Variants in WWOX observed in about 807,000 individuals in gnomAD.
WWOX encodes WW domain containing oxidoreductase.
Under a neutral mutation model 46.2 loss-of-function variants are expected in WWOX, and 69 were observed. The observed-to-expected ratio is 1.49, with a 90% CI of 1.23 to 1.82. The LOEUF is 1.82. Among genes scored for constraint, WWOX ranks in the 40% most tolerant of loss-of-function variants. The pLI is 0.00. For synonymous variants in WWOX, 359 were observed against 202.6 expected, an observed-to-expected ratio of 1.77 and a Z score of -6.56; for missense variants, 919 against 542.6, an observed-to-expected ratio of 1.69 and a Z score of -6.89.
At chr16:78,539,014 G>T (rs552396571) in intron 8 of WWOX, among the ~76,000 whole-genome samples, 23 of 152,328 alleles carry the variant, frequency 1.5e-4, no homozygotes, top group Admixed American at 1.4e-3. Context: ...AGAAGTCTTG[G>T]TAAGGAAGCA....
intron 8 of WWOX, among the ~76,000 whole-genome samples, chr16:78,492,607 C>G (rs2084811017): frequency 6.6e-6 from 1 of 152,196 alleles, no homozygotes; most frequent in Admixed American, 6.5e-5. Flanking sequence ...ATCACTGTTT[C>G]TCCTCCTTTT....
chr16:78,130,711 G>A (rs1219358578), intron 4 of WWOX, among the ~76,000 whole-genome samples: 1 of 152,220 alleles, frequency 6.6e-6, no homozygotes, highest in East Asian at 1.9e-4. Flanking sequence ...CATAGCCACT[G>A]CCACGCCCTT....
At position 79,177,802 on chromosome 16, in the gene WWOX, T is replaced by G. The variant is rs535643711; in HGVS notation, c.1057-33806T>G. Among the ~76,000 whole-genome samples, 303 of 152,352 alleles carry G rather than the reference T, an allele frequency of 2.0e-3. 1 individual carries two copies. Among genetic ancestry groups the G allele is most frequent in the African/African-American group, 6.7e-3 (279 of 41,590 alleles). ...TTTAGGCTTTGTGGACCATAGGGCCTGTGTCAAAAGTACTAAATGTTACCA... is the reference window on the plus strand; with the variant it reads ...TTTAGGCTTTGTGGACCATAGGGCCGGTGTCAAAAGTACTAAATGTTACCA... On this transcript the variant is annotated intron_variant, in intron 8 of 8. Coordinates refer to ENST00000566780, the MANE Select transcript of WWOX (RefSeq NM_016373.4).
At chr16:78,971,952 A>G (rs537086985) in intron 8 of WWOX, among the ~76,000 whole-genome samples, 2 of 152,250 alleles carry the variant, frequency 1.3e-5, no homozygotes, top group Non-Finnish European at 2.9e-5. Flanking sequence ...TCAGGCGCAC[A>G]CTCGGGGAGC....
intron 6 of WWOX, among the ~76,000 whole-genome samples, chr16:78,413,934 T>G (rs1042420163): frequency 1.1e-4 from 17 of 151,656 alleles, no homozygotes; most frequent in Non-Finnish European, 2.2e-4. Context: ...ATAACCCCTG[T>G]GACCTGCACA....
intron 8 of WWOX, among the ~76,000 whole-genome samples, chr16:79,031,941 G>T (rs1474995669): frequency 1.5e-5 from 2 of 136,112 alleles, no homozygotes; most frequent in South Asian, 2.3e-4. Flanking sequence ...TCTGTATACA[G>T]ATATCTGTAT....
At chr16:78,924,559 T>C (rs886788844) in intron 8 of WWOX, among the ~76,000 whole-genome samples, 2 of 152,164 alleles carry the variant, frequency 1.3e-5, no homozygotes, top group African/African-American at 4.8e-5. Context: ...GTAAAATCCT[T>C]CCACTGTTGT....
chr16:78,624,596 C>T (rs1038446615), intron 8 of WWOX, among the ~76,000 whole-genome samples: 2 of 152,148 alleles, frequency 1.3e-5, no homozygotes, highest in Non-Finnish European at 2.9e-5. Flanking sequence ...ACCCATCTAA[C>T]TTGGCAGAAA....
At chr16:78,203,643 G>C (rs373711831) in intron 5 of WWOX, among the ~76,000 whole-genome samples, 2 of 152,154 alleles carry the variant, frequency 1.3e-5, no homozygotes, top group African/African-American at 4.8e-5. Flanking sequence ...ACATTCTTGC[G>C]ACCACAGGTA....
chr16:78,903,720 T>G (rs1454494867), intron 8 of WWOX, among the ~76,000 whole-genome samples: 2 of 152,214 alleles, frequency 1.3e-5, no homozygotes, highest in Non-Finnish European at 2.9e-5. Context: ...GGCACGTGTC[T>G]TCTTCAAGCT....
At chr16:78,326,663 A>C (rs1166530138) in intron 5 of WWOX, among the ~76,000 whole-genome samples, 1 of 147,412 alleles carries the variant, frequency 6.8e-6, no homozygotes, top group Admixed American at 7.1e-5. Flanking sequence ...GGCATACAGC[A>C]TATGTTTAAT....
At chr16:79,090,996 C>T (rs1232981366) in intron 8 of WWOX, among the ~76,000 whole-genome samples, 2 of 152,110 alleles carry the variant, frequency 1.3e-5, no homozygotes, top group African/African-American at 2.4e-5. Flanking sequence ...CCATGTTGGC[C>T]AGCCTGGTCT....
Position 78,776,979 on chromosome 16 carries a change from C to G in WWOX, c.1056+344227C>G, listed in dbSNP as rs372911689. On this transcript the variant is annotated intron_variant, in intron 8 of 8. Coordinates refer to ENST00000566780, the MANE Select transcript of WWOX (RefSeq NM_016373.4). ...GATGAGATTTGGGTGGGGACACAGC[C>G]AAACCATACCACTCATGGCATCTCG... is the stretch of plus-strand genomic sequence containing the variant. Among the ~76,000 whole-genome samples, 41 of 152,246 alleles carry G rather than the reference C, an allele frequency of 2.7e-4. No individual in the cohort carries two copies. The East Asian group carries it at 2.7e-3, about 10-fold the overall frequency.
chr16:78,334,808 G>GCACACACACACACA (rs752956790), intron 5 of WWOX, among the ~76,000 whole-genome samples: 4 of 78,754 alleles, frequency 5.1e-5, no homozygotes, highest in African/African-American at 1.5e-4. Flanking sequence ...ACACACACAC[G>GCACACACACACACA]CACACACACA....
At chr16:78,515,450 C>T (rs942610891) in intron 8 of WWOX, among the ~76,000 whole-genome samples, 1 of 152,028 alleles carries the variant, frequency 6.6e-6, no homozygotes, top group Non-Finnish European at 1.5e-5. Flanking sequence ...GATGAGACAC[C>T]AGCTCTTTTT....
chr16:79,173,401 C>T (rs186445029), intron 8 of WWOX, among the ~76,000 whole-genome samples: 25 of 152,298 alleles, frequency 1.6e-4, no homozygotes, highest in Non-Finnish European at 1.0e-4. Flanking sequence ...CCACATGGGT[C>T]TCTTTCACAC....
intron 5 of WWOX, among the ~76,000 whole-genome samples, chr16:78,179,476 A>T (rs2035458858): frequency 6.6e-6 from 1 of 152,210 alleles, no homozygotes; most frequent in African/African-American, 2.4e-5. Flanking sequence ...TTAATTAATT[A>T]TAGTTAATAA....
At chr16:79,052,308 C>T (rs117201127) in intron 8 of WWOX, among the ~76,000 whole-genome samples, 5,371 of 151,658 alleles carry the variant, frequency 0.035, 124 homozygotes, top group South Asian at 0.052. Flanking sequence ...TTTGTTCTTG[C>T]GATAGTTTAC....
intron 6 of WWOX, among the ~76,000 whole-genome samples, chr16:78,404,894 C>T (rs1567552405): frequency 6.6e-6 from 1 of 152,206 alleles, no homozygotes; most frequent in Non-Finnish European, 1.5e-5. Flanking sequence ...AGAACTGTAA[C>T]ACCAAGGAAT....
Sources: gnomAD v4.1 joint callset for allele counts (sites outside exome capture counted in the v4.1 genomes callset) on GRCh38, gnomAD v4.1.1 for gene constraint, MANE v1.5 for transcripts, NCBI Gene and HGNC (gene_info 2026-07-23, HGNC 2026-07-21) for gene names.